RAB3IP: variants seen among roughly 807,000 people sequenced by gnomAD.
RAB3IP encodes rab-3A-interacting protein.
Under a neutral mutation model 59.1 loss-of-function variants are expected in RAB3IP, and 36 were observed. The ratio of observed to expected loss-of-function variants is 0.61; its 90% CI spans 0.47 to 0.80. RAB3IP has a LOEUF of 0.80. Among genes scored for constraint, RAB3IP ranks in the 30% least tolerant of loss-of-function variants. The pLI is 0.00. For missense variants in RAB3IP, 511 were observed against 536.0 expected (o/e 0.95, Z 0.46); for synonymous variants, 207 against 191.2 (o/e 1.08, Z -0.68).
chr12:69,809,458 T>C (rs1349454696), intron 8 of RAB3IP, among the ~76,000 whole-genome samples: 5 of 152,336 alleles, frequency 3.3e-5, no homozygotes, highest in African/African-American at 9.6e-5. Context: ...CCTTGCTAGA[T>C]TGGGGAAGTT....
Position 69,755,371 on chromosome 12 carries a change from T to A in RAB3IP, c.-25-13T>A. 1 of 1,594,276 alleles carries A rather than the reference T, an allele frequency of 6.3e-7. No homozygotes were observed. The highest frequency in any genetic ancestry group is 1.1e-5 in the South Asian group (1 of 87,838). On this transcript the variant is annotated splice_polypyrimidine_tract_variant and intron_variant, in intron 1 of 10. Transcript: ENST00000247833. The stretch of plus-strand genomic sequence containing the variant: ...TATCTAAAAATAAGTATCTGCTTTT[T>A]GTTTTAACATAGGTTATCTTATGAT...
chr12:69,787,126 C>T (rs1347734015), intron 4 of RAB3IP, among the ~76,000 whole-genome samples: 1 of 152,100 alleles, frequency 6.6e-6, no homozygotes, highest in Non-Finnish European at 1.5e-5. Context: ...TGAATAAACT[C>T]AATATGCACA....
chr12:69,758,756 CTTTTTT>C (rs71437121), intron 3 of RAB3IP, among the ~76,000 whole-genome samples: 5 of 48,226 alleles, frequency 1.0e-4, no homozygotes, highest in Admixed American at 3.4e-4. Context: ...GTGTTCATTC[CTTTTTT>C]TTTTTTTTTT....
intron 4 of RAB3IP, among the ~76,000 whole-genome samples, chr12:69,788,338 C>T (rs1365626561): frequency 6.6e-6 from 1 of 152,080 alleles, no homozygotes; most frequent in Non-Finnish European, 1.5e-5. Context: ...GCTTATTGCT[C>T]CTGGGCTACA....
At chr12:69,747,713 G>A (rs1868555832) in intron 1 of RAB3IP, among the ~76,000 whole-genome samples, 1 of 152,194 alleles carries the variant, frequency 6.6e-6, no homozygotes. Flanking sequence ...TATTTCATGA[G>A]ATAGTGAATA....
intron 1 of RAB3IP, among the ~76,000 whole-genome samples, chr12:69,742,532 A>C (rs1015412988): frequency 1.3e-5 from 2 of 152,054 alleles, no homozygotes; most frequent in African/African-American, 2.4e-5. Context: ...GTTTATTGGC[A>C]AGGTGGTCTC....
chr12:69,793,668 A>G (rs1019951642), intron 4 of RAB3IP, among the ~76,000 whole-genome samples: 1 of 152,204 alleles, frequency 6.6e-6, no homozygotes, highest in Admixed American at 6.5e-5. Flanking sequence ...TATTGCATTT[A>G]GAATAAAACC....
At chr12:69,780,411 G>T (rs575672765) in intron 3 of RAB3IP, among the ~76,000 whole-genome samples, 4 of 152,266 alleles carry the variant, frequency 2.6e-5, no homozygotes, top group African/African-American at 9.6e-5. Flanking sequence ...GCCGAGTCTG[G>T]GCCCCTTCAC....
chr12:69,762,756 CAAAAAAAAAAAA>C lies in RAB3IP; in HGVS notation c.510+6105_510+6116del, dbSNP rs11445702. Among the ~76,000 whole-genome samples, 636 of 76,830 alleles carry C rather than the reference CAAAAAAAAAAAA, an allele frequency of 8.3e-3. 4 individuals are homozygous for C. The highest frequency in any genetic ancestry group is 0.032 in the African/African-American group (602 of 18,734). 50.4% of individuals were successfully genotyped at this position (76,830 alleles called of 152,430 possible). ...TAGGCAACAGAGGGAGACTCCGTCT[CAAAAAAAAAAAA>C]AAAAAAAAAAAGAAAAAAGAGAAAA... On this transcript the variant is annotated intron_variant, in intron 3 of 10. Transcript: ENST00000247833.
intron 3 of RAB3IP, among the ~76,000 whole-genome samples, chr12:69,772,520 TCTCTAGTAA>T (rs1873304394): frequency 6.6e-6 from 1 of 152,176 alleles, no homozygotes; most frequent in African/African-American, 2.4e-5. Context: ...TAAGTGATTT[TCTCTAGTAA>T]TATGTTTTGA....
intron 1 of RAB3IP, among the ~76,000 whole-genome samples, chr12:69,749,756 A>G (rs1030531593): frequency 1.3e-5 from 2 of 151,924 alleles, no homozygotes; most frequent in African/African-American, 4.8e-5. Flanking sequence ...TCTCTGATTT[A>G]TTTGTCCTTC....
At position 69,801,720 on chromosome 12, in the gene RAB3IP, A is replaced by C. The variant is rs758311553; in HGVS notation, c.1129A>C (p.Lys377Gln). Reference protein sequence around the residue: ...KASAVECGGPKKCALTGQSKS... With the variant: ...KASAVECGGPQKCALTGQSKS... ...TTCTGCAGTTGAATGCGGAGGACCA[A>C]AGTAGGTTTTTACGTGCATGAACTG... The change falls in exon 8 of 11, where the codon AAA (lysine) becomes CAA (glutamine). Residue 377 changes from lysine (K) to glutamine (Q), a missense_variant and splice_region_variant. Transcript: ENST00000247833. The C allele has an allele frequency of 3.8e-6, 6 of 1,598,224 alleles. No individual in the cohort carries two copies. Among genetic ancestry groups the C allele is most frequent in the South Asian group, 1.1e-5 (1 of 90,694 alleles).
At chr12:69,752,668 C>T (rs913228968) in intron 1 of RAB3IP, among the ~76,000 whole-genome samples, 2 of 152,090 alleles carry the variant, frequency 1.3e-5, no homozygotes, top group South Asian at 4.1e-4. Flanking sequence ...AATGCAAATG[C>T]TTTTACGTTT....
intron 4 of RAB3IP, among the ~76,000 whole-genome samples, chr12:69,790,319 C>A (rs923726139): frequency 1.3e-5 from 2 of 151,964 alleles, no homozygotes; most frequent in African/African-American, 4.8e-5. Flanking sequence ...CAAAAAGCAT[C>A]AAAAAGAATA....
intron 10 of RAB3IP, 44 bp from the exon 11 acceptor site, chr12:69,815,320 A>G (rs374194982): frequency 1.5e-5 from 19 of 1,306,180 alleles, no homozygotes; most frequent in Non-Finnish European, 2.1e-5. Flanking sequence ...AATAATGAAG[A>G]TGGTATTTTA....
chr12:69,784,594 T>G, intron 3 of RAB3IP, 126 bp from the exon 4 acceptor site: 2 of 406,800 alleles, frequency 4.9e-6, no homozygotes, highest in Non-Finnish European at 8.5e-6. Flanking sequence ...ATAAATACTT[T>G]CAATGTGAAC....
chr12:69,750,002 T>A (rs1868972978), intron 1 of RAB3IP, among the ~76,000 whole-genome samples: 2 of 152,212 alleles, frequency 1.3e-5, no homozygotes, highest in Admixed American at 1.3e-4. Context: ...GGATTTTAAT[T>A]CAAAACTAAG....
chr12:69,741,476 T>A (rs1325837065), intron 1 of RAB3IP, among the ~76,000 whole-genome samples: 1 of 152,208 alleles, frequency 6.6e-6, no homozygotes, highest in Non-Finnish European at 1.5e-5. Flanking sequence ...AGATGACAAG[T>A]GTTACCATTT....
At chr12:69,750,627 C>T (rs1869117808) in intron 1 of RAB3IP, among the ~76,000 whole-genome samples, 1 of 140,244 alleles carries the variant, frequency 7.1e-6, no homozygotes, top group Admixed American at 7.3e-5. Flanking sequence ...CTAGATTTTG[C>T]TGTTTTTGTC....
Sources: gnomAD v4.1 joint callset for allele counts (sites outside exome capture counted in the v4.1 genomes callset) on GRCh38, gnomAD v4.1.1 for gene constraint, MANE v1.5 for transcripts, NCBI Gene and HGNC (gene_info 2026-07-23, HGNC 2026-07-21) for gene names.